Variants in EBF2 observed in about 807,000 individuals in gnomAD.
EBF2 encodes the protein EBF transcription factor 2.
Under a neutral mutation model 72.8 loss-of-function variants are expected in EBF2, and 21 were observed. That is an observed-to-expected ratio of 0.29 (90% CI 0.20 to 0.42). The LOEUF (loss-of-function observed/expected upper bound fraction) is 0.42, where lower values mean the gene tolerates loss of function less well. Among genes scored for constraint, EBF2 ranks in the 10% least tolerant of loss-of-function variants. The pLI is 1.00. For missense variants in EBF2, 637 were observed against 731.2 expected (o/e 0.87, Z 1.49); for synonymous variants, 299 against 274.2 (o/e 1.09, Z -0.89).
intron 6 of EBF2, among the ~76,000 whole-genome samples, chr8:25,985,563 C>T (rs1282513747): frequency 6.6e-6 from 1 of 152,188 alleles, no homozygotes; most frequent in Non-Finnish European, 1.5e-5. Flanking sequence ...TTTCAGTTTC[C>T]TCCTCTGTAA....
intron 1 of EBF2, 83 bp from the exon 2 acceptor site, chr8:26,042,334 A>C: frequency 6.8e-7 from 1 of 1,470,828 alleles, no homozygotes; most frequent in East Asian, 2.5e-5. Context: ...AACACTGCAG[A>C]GGGGTAAGGG....
intron 6 of EBF2, among the ~76,000 whole-genome samples, chr8:25,994,637 A>G (rs1804594195): frequency 6.6e-6 from 1 of 152,212 alleles, no homozygotes; most frequent in Admixed American, 6.5e-5. Context: ...GTCTTTTGCA[A>G]CAATGTGGAT....
intron 6 of EBF2, among the ~76,000 whole-genome samples, chr8:25,926,044 A>G (rs1469455079): frequency 2.0e-5 from 3 of 152,094 alleles, no homozygotes; most frequent in Non-Finnish European, 4.4e-5. Flanking sequence ...CCAAGTCCCA[A>G]TAGGTGTTCT....
Position 26,044,985 on chromosome 8 carries a change from G to C in EBF2, c.-126C>G. On this transcript the variant is annotated 5_prime_UTR_variant, in exon 1 of 16. Coordinates refer to ENST00000520164, the MANE Select transcript of EBF2 (RefSeq NM_022659.4). This position sits in a 1 kb window ranked among gnomAD's most constrained non-coding sequence, Gnocchi z 4.1. The stretch of plus-strand genomic sequence containing the variant: ...CCAAGAAAAGGGATCAAGTGCCCAA[G>C]TTTGAGTCTTAGAAAAAAAAAAAAG... The C allele has an allele frequency of 1.0e-6, 1 of 966,774 alleles. No individual in the cohort carries two copies. The highest frequency in any genetic ancestry group is 1.5e-6 in the Non-Finnish European group (1 of 671,838). The allele number at this position is 966,774 out of a possible 1,614,324, so 59.9% of individuals were successfully genotyped here. A position where few individuals can be genotyped will look rare whatever the true frequency, so the allele number is the denominator to read the frequency against.
chr8:25,990,188 T>TACATAC (rs1554479067), intron 6 of EBF2, among the ~76,000 whole-genome samples: 2 of 146,268 alleles, frequency 1.4e-5, no homozygotes, highest in African/African-American at 2.5e-5. Context: ...CTATGGGTTA[T>TACATAC]ACACACACAC....
chr8:26,014,362 G>GTAT (rs1563208902), intron 6 of EBF2, among the ~76,000 whole-genome samples: 89 of 147,334 alleles, frequency 6.0e-4, no homozygotes, highest in Admixed American at 1.6e-3. Flanking sequence ...TTTATTATTA[G>GTAT]TAGTAGTATT....
At chr8:25,933,322 A>C (rs1803515034) in intron 6 of EBF2, among the ~76,000 whole-genome samples, 1 of 152,250 alleles carries the variant, frequency 6.6e-6, no homozygotes, top group South Asian at 2.1e-4. Context: ...AGAGAAATAC[A>C]GATGGGAAAG....
chr8:25,850,627 C>CAG lies in EBF2; in HGVS notation c.1661_1662dup (p.Ala555LeufsTer14). 1 of 1,562,506 alleles carries CAG rather than the reference C, an allele frequency of 6.4e-7. No individual in the cohort carries two copies. On this transcript the variant is annotated frameshift_variant, in exon 15 of 16. Transcript: ENST00000520164. LOFTEE classifies it high-confidence loss of function. ...CCATTTCCATTGCCGCTGGAGCAGG[C>CAG]AGGTGAAGGGGAGCCTTGGGGCCTG...
intron 6 of EBF2, among the ~76,000 whole-genome samples, chr8:25,947,400 C>T (rs1258890863): frequency 2.0e-5 from 3 of 152,174 alleles, no homozygotes; most frequent in Non-Finnish European, 4.4e-5. Context: ...AACCTCTTTC[C>T]TTTACAAATT....
At chr8:26,013,457 T>C (rs1202154656) in intron 6 of EBF2, among the ~76,000 whole-genome samples, 2 of 152,192 alleles carry the variant, frequency 1.3e-5, no homozygotes, top group African/African-American at 4.8e-5. Context: ...ATCAAGGCAG[T>C]GTGGAAGCAC....
chr8:25,869,956 G>A (rs757016693), intron 10 of EBF2, among the ~76,000 whole-genome samples: 4 of 152,158 alleles, frequency 2.6e-5, no homozygotes, highest in Non-Finnish European at 1.5e-5. Flanking sequence ...CAAAGCCTGT[G>A]CTCTTAACCT....
Position 25,883,376 on chromosome 8 carries a change from G to T in EBF2, c.1009+3379C>A, listed in dbSNP as rs1020586281. Among the ~76,000 whole-genome samples the T allele has an allele frequency of 7.9e-5, 12 of 151,184 alleles. No homozygotes were observed. In the East Asian group the frequency reaches 2.3e-3, roughly 29 times the overall value. On this transcript the variant is annotated intron_variant, in intron 10 of 15. Transcript: ENST00000520164. The stretch of plus-strand genomic sequence containing the variant: ...CCTATAACCCTTTTTTATTTTAGGG[G>T]CTGAATCTAGTTATTGTAATGTAAC...
In EBF2 at chr8:26,040,991, G is replaced by A; in HGVS notation, c.300C>T (p.Asn100=). 2 of 1,614,152 alleles carry A rather than the reference G, an allele frequency of 1.2e-6. No homozygotes were observed. Among genetic ancestry groups the A allele is most frequent in the Middle Eastern group, 3.3e-4 (2 of 6,060 alleles). Residue 100 remains asparagine (N), a synonymous_variant, in exon 3 of 16, where the codon AAC becomes AAT. Transcript: ENST00000520164. Reference sequence around the variant, plus strand: ...AGTGAGTGCCGTTGTTGGTCTTCTCGTTGCCTTGTTCCTGAAAAGACAGGC... The same window carrying A: ...AGTGAGTGCCGTTGTTGGTCTTCTCATTGCCTTGTTCCTGAAAAGACAGGC... ...DFVENDKEQG[N]EKTNNGTHYK...
intron 7 of EBF2, among the ~76,000 whole-genome samples, chr8:25,900,358 T>C (rs1372699629): frequency 4.6e-5 from 7 of 152,088 alleles, no homozygotes; most frequent in African/African-American, 1.7e-4. Flanking sequence ...ACTTGGGAGA[T>C]TGAAGCAGGA....
intron 6 of EBF2, among the ~76,000 whole-genome samples, chr8:25,948,970 G>A (rs1158682726): frequency 6.6e-6 from 1 of 152,114 alleles, no homozygotes; most frequent in Non-Finnish European, 1.5e-5. Flanking sequence ...AAAATCATGG[G>A]CTGAAAAAAT....
chr8:25,915,880 G>A (rs557824800), intron 6 of EBF2, among the ~76,000 whole-genome samples: 5 of 152,018 alleles, frequency 3.3e-5, no homozygotes, highest in Admixed American at 6.6e-5. Context: ...TCCAATATGC[G>A]GCAGCTAACT....
intron 6 of EBF2, among the ~76,000 whole-genome samples, chr8:26,014,696 G>T (rs1257998079): frequency 6.6e-6 from 1 of 152,180 alleles, no homozygotes; most frequent in African/African-American, 2.4e-5. Flanking sequence ...CATTCACCTT[G>T]TACACCTTAT....
chr8:25,887,796 T>A (rs1189031700), intron 9 of EBF2, 46 bp downstream of exon 9: 2 of 1,493,164 alleles, frequency 1.3e-6, no homozygotes, highest in Non-Finnish European at 1.8e-6. Flanking sequence ...ATCAAAACAA[T>A]CTTTGGGCAA....
At position 25,908,545 on chromosome 8, in the gene EBF2, T is replaced by G. The variant is rs1281808167; in HGVS notation, c.562A>C (p.Lys188Gln). Residue 188 changes from lysine to glutamine, a missense_variant, in exon 7 of 16, where the codon AAA becomes CAA. By Grantham distance (53) the Lys-to-Gln change is moderately conservative. Around this residue, in one of 3 missense-constraint regions of EBF2, gnomAD observed 204 missense variants for 301.2 expected, o/e 0.68. Transcript: ENST00000520164. ...DPVIIDRFFL[K>Q]FFLKCNQNCL... ...TTCTGATTGCACTTGAGGAAAAATT[T>G]TAAAAAGAATCTGTGAAGAGAAAGC... 1.2e-6 allele frequency: 2 copies of G among 1,610,152 alleles called. No homozygotes were observed. The highest frequency in any genetic ancestry group is 1.7e-5 in the Admixed American group (1 of 59,856).
Sources: allele counts gnomAD v4.1 joint callset (sites outside exome capture counted in the v4.1 genomes callset), GRCh38; gene constraint gnomAD v4.1.1; regional missense constraint gnomAD v4.1.1; non-coding constraint Gnocchi (gnomAD v3.1); transcripts MANE v1.5; gene names NCBI Gene and HGNC (gene_info 2026-07-23, HGNC 2026-07-21).